Variants in TRIM37 observed in about 807,000 individuals in gnomAD.
TRIM37 encodes the protein E3 ubiquitin-protein ligase TRIM37.
A neutral mutation model predicts 129.8 loss-of-function variants in TRIM37; 80 were observed. The ratio of observed to expected loss-of-function variants is 0.62; its 90% CI spans 0.51 to 0.74. TRIM37 has a LOEUF of 0.74. TRIM37 is among the 30% of genes least tolerant of loss of function. The pLI is 0.00. For missense variants in TRIM37, 1,054 were observed against 1,176.5 expected (o/e 0.90, Z 1.52); for synonymous variants, 389 against 387.1 (o/e 1.00, Z -0.06).
At chr17:59,079,899 A>G (rs529481189) in intron 6 of TRIM37, 22 bp from the exon 7 acceptor site, 1 of 1,611,918 alleles carries the variant, frequency 6.2e-7, no homozygotes, top group Admixed American at 1.7e-5. Context: ...AGAGGTAAGA[A>G]TAATTTTAAT....
In TRIM37 at chr17:59,027,274, T is replaced by A. The variant is rs115271594; in HGVS notation, c.2257+1141A>T. On this transcript the variant is annotated intron_variant, in intron 19 of 23. Transcript: ENST00000262294. ...CCCCATAACCTGCTTCTTATCTGAT[T>A]TGCTTCTCAATAAATGATACCACTG... Among the ~76,000 whole-genome samples, 352 of 152,312 alleles carry A rather than the reference T, an allele frequency of 2.3e-3. 2 individuals are homozygous for A. The highest frequency in any genetic ancestry group is 8.2e-3 in the African/African-American group (340 of 41,580).
chr17:59,034,106 C>CA lies in TRIM37; in HGVS notation c.1754-2017dup, dbSNP rs764498365. Among the ~76,000 whole-genome samples the CA allele has an allele frequency of 8.1e-3, 1,033 of 127,336 alleles. 5 individuals are homozygous for CA. Among genetic ancestry groups the CA allele is most frequent in the African/African-American group, 8.6e-3 (295 of 34,498 alleles). The allele number at this position is 127,336 out of a possible 152,430, so 83.5% of individuals were successfully genotyped here. On this transcript the variant is annotated intron_variant, in intron 17 of 23. Coordinates refer to ENST00000262294, the MANE Select transcript of TRIM37 (RefSeq NM_015294.6). ...TGGTTGACAGAGTGAGACTCCATCTCAAAAAAAAAAAAAGGATACGGAGGT... is the reference window on the plus strand; with the variant it reads ...TGGTTGACAGAGTGAGACTCCATCTCAAAAAAAAAAAAAAGGATACGGAGGT...
At chr17:59,035,783 C>A (rs1266394088) in intron 17 of TRIM37, among the ~76,000 whole-genome samples, 1 of 151,712 alleles carries the variant, frequency 6.6e-6, no homozygotes, top group Non-Finnish European at 1.5e-5. Context: ...AAAAAAACAA[C>A]AAAAACCATG....
the TRIM37 span, among the ~76,000 whole-genome samples, chr17:58,977,004 T>A: frequency 6.6e-6 from 1 of 152,222 alleles, no homozygotes; most frequent in African/African-American, 2.4e-5. Context: ...TATTTATTTT[T>A]AAATATCTTT....
intron 16 of TRIM37, among the ~76,000 whole-genome samples, chr17:59,045,646 A>G (rs1192889041): frequency 5.9e-5 from 9 of 151,756 alleles, no homozygotes; most frequent in Non-Finnish European, 1.0e-4. Flanking sequence ...CACAAAAAAA[A>G]AAAAAAGAAA....
chr17:59,075,408 A>G (rs1476350757), intron 8 of TRIM37, among the ~76,000 whole-genome samples: 2 of 151,800 alleles, frequency 1.3e-5, no homozygotes, highest in Non-Finnish European at 2.9e-5. Context: ...CTGAAAATAC[A>G]AAAAAATTAG....
Position 59,064,379 on chromosome 17 carries a change from G to C in TRIM37, c.836C>G (p.Ala279Gly). ...CCTGAAATTCTCTAAAACAAAAGTA[G>C]CTGAATCGTAAGATGGCACTAATTC... is the stretch of plus-strand genomic sequence containing the variant. ...TSELVPSYDS[A>G]TFVLENFSTL... Residue 279 changes from alanine to glycine, a missense_variant, in exon 10 of 24, where the codon GCT becomes GGT. Coordinates refer to ENST00000262294, the MANE Select transcript of TRIM37 (RefSeq NM_015294.6). 1 of 1,599,122 alleles carries C rather than the reference G, an allele frequency of 6.3e-7. No homozygotes were observed. Among genetic ancestry groups the C allele is most frequent in the Non-Finnish European group, 8.5e-7 (1 of 1,172,250 alleles).
intron 8 of TRIM37, among the ~76,000 whole-genome samples, chr17:59,073,333 G>A (rs1040789205): frequency 1.3e-5 from 2 of 150,958 alleles, no homozygotes; most frequent in Non-Finnish European, 2.9e-5. Flanking sequence ...TCGCTCTGTC[G>A]CCCAGGCTGG....
chr17:59,036,345 T>TA (rs1039096122), intron 17 of TRIM37, among the ~76,000 whole-genome samples: 24 of 152,036 alleles, frequency 1.6e-4, no homozygotes, highest in African/African-American at 5.8e-4. Flanking sequence ...CAATTTATGT[T>TA]AAAAAAAATT....
intron 19 of TRIM37, among the ~76,000 whole-genome samples, chr17:59,026,937 T>C (rs531953703): frequency 6.6e-6 from 1 of 152,366 alleles, no homozygotes; most frequent in African/African-American, 2.4e-5. Context: ...CCTTAATGAT[T>C]GCTCTTTCAA....
chr17:59,074,796 G>A (rs1346563611), intron 8 of TRIM37, among the ~76,000 whole-genome samples: 1 of 152,126 alleles, frequency 6.6e-6, no homozygotes, highest in African/African-American at 2.4e-5. Context: ...AGATATTTAT[G>A]CAACACTACA....
At chr17:59,036,011 CAT>C (rs1199243778) in intron 17 of TRIM37, among the ~76,000 whole-genome samples, 5 of 152,194 alleles carry the variant, frequency 3.3e-5, no homozygotes, top group Non-Finnish European at 7.3e-5. Flanking sequence ...TACATTTTCA[CAT>C]CCTTCACTTT....
intron 2 of TRIM37, among the ~76,000 whole-genome samples, chr17:59,099,292 A>G (rs533947435): frequency 6.6e-6 from 1 of 152,286 alleles, no homozygotes; most frequent in African/African-American, 2.4e-5. Context: ...GTAGTCTCGT[A>G]AGATTAGAAT....
rs185368684 is a variant in TRIM37, at chr17:59,078,057, G to A, written c.616+1697C>T. ...GGAGAATTGCTTGAACCCAGGAGGC[G>A]GAGGGTGCAATGAGCCGAGATAGTG... On this transcript the variant is annotated intron_variant, in intron 7 of 23. Transcript: ENST00000262294. Among the ~76,000 whole-genome samples, 18 of 148,978 alleles carry A rather than the reference G, an allele frequency of 1.2e-4. No homozygotes were observed. The East Asian group carries it at 3.0e-3, about 25-fold the overall frequency.
At chr17:59,050,963 G>A (rs1024711173) in intron 14 of TRIM37, among the ~76,000 whole-genome samples, 1 of 152,078 alleles carries the variant, frequency 6.6e-6, no homozygotes, top group Non-Finnish European at 1.5e-5. Context: ...CTGGGCAACA[G>A]AGCGAGACTC....
At chr17:59,082,214 T>C (rs1225369157) in intron 5 of TRIM37, among the ~76,000 whole-genome samples, 3 of 151,814 alleles carry the variant, frequency 2.0e-5, no homozygotes, top group Non-Finnish European at 4.4e-5. Context: ...GAGGTTGGAG[T>C]GAGCTGAGAT....
In TRIM37 at chr17:59,057,070, A is replaced by G; in HGVS notation, c.1020-16T>C. ...ATATTCATATCTAAAATTGAAAAAC[A>G]GACCATTACTATACAGTTAGTAAAG... On this transcript the variant is annotated splice_polypyrimidine_tract_variant and intron_variant, in intron 12 of 23. Coordinates refer to ENST00000262294, the MANE Select transcript of TRIM37 (RefSeq NM_015294.6). 1 of 1,610,426 alleles carries G rather than the reference A, an allele frequency of 6.2e-7. No individual in the cohort carries two copies. Among genetic ancestry groups the G allele is most frequent in the Non-Finnish European group, 8.5e-7 (1 of 1,176,924 alleles).
chr17:59,045,653 G>GA (rs1211416355), intron 16 of TRIM37, among the ~76,000 whole-genome samples: 1 of 147,914 alleles, frequency 6.8e-6, no homozygotes, highest in East Asian at 2.0e-4. Context: ...AAAAAAAAAA[G>GA]AAAAAAGAAA....
At chr17:59,004,676 A>G (rs1274840779) in intron 22 of TRIM37, among the ~76,000 whole-genome samples, 1 of 152,196 alleles carries the variant, frequency 6.6e-6, no homozygotes, top group Non-Finnish European at 1.5e-5. Context: ...TCATGAAACC[A>G]AAAACAGATG....
Sources: allele counts gnomAD v4.1 joint callset (sites outside exome capture counted in the v4.1 genomes callset), GRCh38; gene constraint gnomAD v4.1.1; transcripts MANE v1.5; gene names NCBI Gene and HGNC (gene_info 2026-07-23, HGNC 2026-07-21).